Variants in STXBP6 observed in about 807,000 individuals in gnomAD.
The protein encoded by STXBP6 is syntaxin-binding protein 6.
Under a neutral mutation model 26.9 loss-of-function variants are expected in STXBP6, and 21 were observed. That is an observed-to-expected ratio of 0.78 (90% confidence interval 0.55 to 1.12). The LOEUF is 1.12. Ranked by LOEUF, STXBP6 falls within the 50% of genes most tolerant of loss-of-function variation. The probability of loss-of-function intolerance (pLI) is 0.00; values close to 1 mark genes in which losing one functional copy is unlikely to be tolerated. For missense variants in STXBP6, 232 were observed against 257.9 expected (o/e 0.90, Z 0.69); for synonymous variants, 97 against 92.6 (o/e 1.05, Z -0.27).
intron 2 of STXBP6, among the ~76,000 whole-genome samples, chr14:24,893,404 C>T (rs2070862989): frequency 6.6e-6 from 1 of 152,200 alleles, no homozygotes; most frequent in South Asian, 2.1e-4. Context: ...TTGCTCTAGA[C>T]CACACAGCTA....
At chr14:24,983,273 A>G (rs551011866) in intron 1 of STXBP6, among the ~76,000 whole-genome samples, 2 of 152,348 alleles carry the variant, frequency 1.3e-5, no homozygotes, top group East Asian at 3.9e-4. Flanking sequence ...CCCTATTTTT[A>G]CTGAGCAATC....
intron 2 of STXBP6, among the ~76,000 whole-genome samples, chr14:24,925,824 C>A (rs932440313): frequency 1.3e-5 from 2 of 152,084 alleles, no homozygotes; most frequent in African/African-American, 4.8e-5. Context: ...CCCCCCTACA[C>A]AAAAATGGGA....
chr14:24,863,595 C>G (rs9323564), intron 2 of STXBP6, among the ~76,000 whole-genome samples: 4,542 of 152,174 alleles, frequency 0.03, 231 homozygotes, highest in African/African-American at 0.1. Flanking sequence ...TATCAAGAGA[C>G]TAGAAGGAAA....
chr14:24,852,037 C>T (rs1477137117), intron 4 of STXBP6, among the ~76,000 whole-genome samples: 1 of 152,138 alleles, frequency 6.6e-6, no homozygotes, highest in South Asian at 2.1e-4. Context: ...TAGCTTAACT[C>T]TCTTCCTCAT....
At chr14:24,836,564 A>G (rs945197942) in intron 4 of STXBP6, among the ~76,000 whole-genome samples, 1 of 132,048 alleles carries the variant, frequency 7.6e-6, no homozygotes, top group African/African-American at 3.0e-5. Flanking sequence ...ACACCACTGC[A>G]CTCTAGCTTG....
intron 2 of STXBP6, among the ~76,000 whole-genome samples, chr14:24,913,720 TA>T (rs2071658000): frequency 6.6e-6 from 1 of 152,222 alleles, no homozygotes; most frequent in African/African-American, 2.4e-5. Flanking sequence ...CCTTGTGTCT[TA>T]AAGACACTAA....
At chr14:24,953,278 C>T (rs550036052) in intron 2 of STXBP6, among the ~76,000 whole-genome samples, 5 of 152,160 alleles carry the variant, frequency 3.3e-5, no homozygotes, top group South Asian at 2.1e-4. Context: ...TCCAGGGTAA[C>T]CTCAGCTGAA....
chr14:25,031,497 A>G (rs2075453825), intron 1 of STXBP6, among the ~76,000 whole-genome samples: 1 of 152,236 alleles, frequency 6.6e-6, no homozygotes, highest in African/African-American at 2.4e-5. Flanking sequence ...TGCAATATAC[A>G]TAGAATAGAT....
At chr14:24,936,958 C>T (rs1378170472) in intron 2 of STXBP6, among the ~76,000 whole-genome samples, 2 of 152,144 alleles carry the variant, frequency 1.3e-5, no homozygotes, top group Admixed American at 6.5e-5. Context: ...ACTATGCAGC[C>T]ATAAAAAAGA....
intron 2 of STXBP6, among the ~76,000 whole-genome samples, chr14:24,925,848 T>G (rs1201318175): frequency 6.6e-6 from 1 of 152,204 alleles, no homozygotes; most frequent in Non-Finnish European, 1.5e-5. Flanking sequence ...GGAGAAGAAT[T>G]TGACTAAAGA....
chr14:24,877,089 G>A (rs1433967634), intron 2 of STXBP6, among the ~76,000 whole-genome samples: 2 of 152,194 alleles, frequency 1.3e-5, no homozygotes, highest in Non-Finnish European at 2.9e-5. Context: ...ATGCTAAGAA[G>A]TATGAGCTTT....
intron 4 of STXBP6, among the ~76,000 whole-genome samples, chr14:24,841,544 A>G (rs1408920399): frequency 6.6e-6 from 1 of 152,160 alleles, no homozygotes; most frequent in Admixed American, 6.5e-5. Context: ...AATTCCTATG[A>G]GATGAATGGT....
At chr14:24,843,538 C>T (rs1179610500) in intron 4 of STXBP6, among the ~76,000 whole-genome samples, 2 of 152,170 alleles carry the variant, frequency 1.3e-5, no homozygotes, top group Non-Finnish European at 2.9e-5. Context: ...ATGCACCATG[C>T]TATATGTTTT....
chr14:24,900,280 C>T (rs1267689419), intron 2 of STXBP6, among the ~76,000 whole-genome samples: 1 of 152,172 alleles, frequency 6.6e-6, no homozygotes, highest in African/African-American at 2.4e-5. Flanking sequence ...CACGTTTCAA[C>T]CCAGGTGGGG....
intron 2 of STXBP6, among the ~76,000 whole-genome samples, chr14:24,888,990 C>T (rs2070692540): frequency 6.6e-6 from 1 of 152,094 alleles, no homozygotes; most frequent in Non-Finnish European, 1.5e-5. Flanking sequence ...ATACTTTTTA[C>T]AGGCAGATTA....
At chr14:24,839,257 C>T (rs997330339) in intron 4 of STXBP6, among the ~76,000 whole-genome samples, 3 of 152,084 alleles carry the variant, frequency 2.0e-5, no homozygotes, top group South Asian at 2.1e-4. Context: ...ATTTCCCACA[C>T]GGAGAGAAAG....
rs895374616 is a variant in STXBP6 at position 24,893,599 on chromosome 14, CTG to C, written c.155-36444_155-36443del. On this transcript the variant is annotated intron_variant, in intron 2 of 5. Transcript: ENST00000323944. ...AAAATATGGGGTACTAATGTGGGAC[CTG>C]TGACTTCCAATTATGACTAAAGTTT... Among the ~76,000 whole-genome samples, 131 of 152,308 alleles carry C rather than the reference CTG, an allele frequency of 8.6e-4. 1 individual carries two copies. Among genetic ancestry groups the C allele is most frequent in the African/African-American group, 3.0e-3 (123 of 41,558 alleles).
At chr14:25,030,732 G>A (rs1170057034) in intron 1 of STXBP6, among the ~76,000 whole-genome samples, 1 of 152,098 alleles carries the variant, frequency 6.6e-6, no homozygotes, top group Non-Finnish European at 1.5e-5. Context: ...GGCCTTTAAA[G>A]CTGTAATCCT....
intron 1 of STXBP6, among the ~76,000 whole-genome samples, chr14:25,026,879 A>C (rs2075359178): frequency 6.6e-6 from 1 of 152,216 alleles, no homozygotes; most frequent in African/African-American, 2.4e-5. Flanking sequence ...ACAAAAAAAA[A>C]GTTCTTTCTG....
Sources: gnomAD v4.1 joint callset for allele counts (sites outside exome capture counted in the v4.1 genomes callset) on GRCh38, gnomAD v4.1.1 for gene constraint, MANE v1.5 for transcripts, NCBI Gene and HGNC (gene_info 2026-07-23, HGNC 2026-07-21) for gene names.